Variants in GRIK2 observed in about 807,000 individuals in gnomAD.
The protein encoded by GRIK2 is glutamate ionotropic receptor kainate type subunit 2.
A neutral mutation model predicts 100.3 loss-of-function variants in GRIK2; 32 were observed. The observed-to-expected ratio is 0.32, with a 90% confidence interval of 0.24 to 0.43. The LOEUF is 0.43. Ranked by LOEUF, GRIK2 falls within the 20% of genes least tolerant of loss-of-function variation. GRIK2 has a pLI of 1.00. For missense variants in GRIK2, 843 were observed against 1,114.9 expected (o/e 0.76, Z 3.47); for synonymous variants, 417 against 389.4 (o/e 1.07, Z -0.83).
intron 4 of GRIK2, among the ~76,000 whole-genome samples, chr6:101,666,439 G>A (rs1770038167): frequency 6.6e-6 from 1 of 152,218 alleles, no homozygotes; most frequent in Non-Finnish European, 1.5e-5. Context: ...CTGACCTGTA[G>A]TCTCCAACCC....
chr6:101,510,771 C>A (rs1774273447), intron 2 of GRIK2, among the ~76,000 whole-genome samples: 1 of 151,854 alleles, frequency 6.6e-6, no homozygotes, highest in South Asian at 2.1e-4. Flanking sequence ...ATTCACCTGC[C>A]TCAGCCTCCC....
intron 7 of GRIK2, among the ~76,000 whole-genome samples, chr6:101,757,439 A>G (rs1777205547): frequency 1.3e-5 from 2 of 152,188 alleles, no homozygotes; most frequent in Non-Finnish European, 2.9e-5. Context: ...AATAATAACT[A>G]TGTTTTCCTG....
In GRIK2 at chr6:101,994,993, C is replaced by T. The variant is rs530716848; in HGVS notation, c.2086-40348C>T. ...AATGATTCACAAGTTGGAAAACTTACCTTGTGAATATTGATCACTACTGTG... is the reference window on the plus strand; with the variant it reads ...AATGATTCACAAGTTGGAAAACTTATCTTGTGAATATTGATCACTACTGTG... On this transcript the variant is annotated intron_variant, in intron 14 of 16. Transcript: ENST00000369134. 5.9e-5 allele frequency among the ~76,000 whole-genome samples: 9 copies of T among 151,944 alleles called. No individual in the cohort carries two copies. The South Asian group carries it at 1.9e-3, about 32-fold the overall frequency.
At chr6:101,794,936 G>A (rs964368932) in intron 7 of GRIK2, among the ~76,000 whole-genome samples, 2 of 151,320 alleles carry the variant, frequency 1.3e-5, no homozygotes, top group African/African-American at 2.4e-5. Context: ...CGCCATCTTG[G>A]CTGACTGCAA....
intron 7 of GRIK2, among the ~76,000 whole-genome samples, chr6:101,691,657 C>T (rs545787515): frequency 6.6e-6 from 1 of 152,018 alleles, no homozygotes; most frequent in African/African-American, 2.4e-5. Flanking sequence ...AGAGTAGTTC[C>T]CATTCTTTTT....
At position 101,862,186 on chromosome 6, in the gene GRIK2, G is replaced by A. The variant is rs188137810; in HGVS notation, c.1524+2693G>A. On this transcript the variant is annotated intron_variant, in intron 11 of 16. Transcript: ENST00000369134. Reference sequence around the variant, plus strand: ...AATGAGATTACAGGGAGGGAAACAAGAACACTTGTTCTCCTAGGCAGGTAA... The same window carrying A: ...AATGAGATTACAGGGAGGGAAACAAAAACACTTGTTCTCCTAGGCAGGTAA... 2.6e-3 allele frequency among the ~76,000 whole-genome samples: 389 copies of A among 152,180 alleles called. 5 individuals are homozygous for A. The highest frequency in any genetic ancestry group is 4.4e-3 in the Non-Finnish European group (297 of 67,978).
chr6:102,020,178 C>T (rs536158779), intron 14 of GRIK2, among the ~76,000 whole-genome samples: 50 of 151,768 alleles, frequency 3.3e-4, no homozygotes, highest in Non-Finnish European at 5.3e-4. Flanking sequence ...ACCTTTCATT[C>T]TGAAATTGTT....
At chr6:101,760,853 A>G (rs76303285) in intron 7 of GRIK2, among the ~76,000 whole-genome samples, 1,618 of 149,932 alleles carry the variant, frequency 0.011, 33 homozygotes, top group African/African-American at 0.036. Context: ...ATGAAAAGTT[A>G]ACACTGTCAT....
At chr6:101,914,464 C>T (rs1287210973) in intron 12 of GRIK2, among the ~76,000 whole-genome samples, 1 of 151,404 alleles carries the variant, frequency 6.6e-6, no homozygotes, top group Non-Finnish European at 1.5e-5. Flanking sequence ...CCAAAATCGG[C>T]AAGGGGCTAT....
At chr6:101,492,205 T>C (rs911444473) in intron 2 of GRIK2, among the ~76,000 whole-genome samples, 1 of 151,938 alleles carries the variant, frequency 6.6e-6, no homozygotes, top group Non-Finnish European at 1.5e-5. Context: ...AGTTTAAACA[T>C]CCTATAATGA....
chr6:101,702,898 G>A (rs925506581), intron 7 of GRIK2, among the ~76,000 whole-genome samples: 11 of 151,828 alleles, frequency 7.2e-5, no homozygotes, highest in Non-Finnish European at 1.3e-4. Flanking sequence ...AGGTAACCCA[G>A]CACACTGATA....
chr6:101,870,037 T>C (rs931393891), intron 11 of GRIK2, among the ~76,000 whole-genome samples: 6 of 152,036 alleles, frequency 3.9e-5, no homozygotes, highest in Non-Finnish European at 8.8e-5. Flanking sequence ...TGAATTTATG[T>C]GACAGTATTT....
At chr6:101,410,239 C>A (rs1775824994) in intron 2 of GRIK2, among the ~76,000 whole-genome samples, 1 of 152,022 alleles carries the variant, frequency 6.6e-6, no homozygotes, top group Non-Finnish European at 1.5e-5. Context: ...ATATATACAT[C>A]ATTCTTTATG....
At chr6:101,531,987 T>C (rs1463499266) in intron 2 of GRIK2, among the ~76,000 whole-genome samples, 1 of 151,966 alleles carries the variant, frequency 6.6e-6, no homozygotes, top group African/African-American at 2.4e-5. Flanking sequence ...CCAAAGCCCA[T>C]TAGAAAACAA....
intron 2 of GRIK2, among the ~76,000 whole-genome samples, chr6:101,433,135 T>A (rs1472886936): frequency 5.9e-5 from 9 of 152,178 alleles, no homozygotes; most frequent in Admixed American, 4.6e-4. Flanking sequence ...CCAAGAGATT[T>A]TTTTTCTGTA....
chr6:101,541,377 CACACACACACACACACACACACACACA>C (rs1775981604), intron 2 of GRIK2, among the ~76,000 whole-genome samples: 1 of 145,234 alleles, frequency 6.9e-6, no homozygotes, highest in African/African-American at 2.7e-5. Context: ...CGCACACAAC[CACACACACACACACACACACACACACA>C]CACACACACA....
intron 15 of GRIK2, among the ~76,000 whole-genome samples, chr6:102,041,642 T>C (rs1030900424): frequency 6.6e-6 from 1 of 151,584 alleles, no homozygotes; most frequent in Non-Finnish European, 1.5e-5. Flanking sequence ...CTATTACACT[T>C]AGTGTCCTCA....
intron 2 of GRIK2, among the ~76,000 whole-genome samples, chr6:101,405,033 G>A (rs903267922): frequency 1.3e-5 from 2 of 152,146 alleles, no homozygotes; most frequent in African/African-American, 4.8e-5. Context: ...AGACCATTTG[G>A]ATTTAATGGA....
chr6:101,572,757 T>C (rs1028331029), intron 2 of GRIK2, among the ~76,000 whole-genome samples: 63 of 149,174 alleles, frequency 4.2e-4, no homozygotes, highest in Admixed American at 1.1e-3. Flanking sequence ...AGTTTCTTTT[T>C]TTTTTTTTTT....
Sources: gnomAD v4.1 joint callset for allele counts (sites outside exome capture counted in the v4.1 genomes callset) on GRCh38, gnomAD v4.1.1 for gene constraint, MANE v1.5 for transcripts, NCBI Gene and HGNC (gene_info 2026-07-23, HGNC 2026-07-21) for gene names.